STXBP4: variants seen among roughly 807,000 people sequenced by gnomAD.
STXBP4 encodes syntaxin binding protein 4, also known as syntaxin-binding protein 4.
STXBP4 carries 55 observed loss-of-function variants against 76.1 expected under a neutral mutation model. The ratio of observed to expected loss-of-function variants is 0.72; its 90% confidence interval spans 0.58 to 0.91. The LOEUF (loss-of-function observed/expected upper bound fraction) is 0.91. Ranked by LOEUF, STXBP4 falls within the 40% of genes least tolerant of loss-of-function variation. The probability of loss-of-function intolerance (pLI) is 0.00; values close to 1 mark genes in which losing one functional copy is unlikely to be tolerated. For synonymous variants in STXBP4, 201 were observed against 220.2 expected, an observed-to-expected ratio of 0.91 and a Z score of 0.77; for missense variants, 618 against 636.9, an observed-to-expected ratio of 0.97 and a Z score of 0.32.
chr17:55,211,799 G>GTTTTTTTT, the STXBP4 span, among the ~76,000 whole-genome samples: 130 of 48,980 alleles, frequency 2.7e-3, 19 homozygotes, highest in African/African-American at 6.9e-3. Context: ...GTTTTTTGTT[G>GTTTTTTTT]TTTTTTTTTT....
At chr17:55,035,043 T>C (rs2078574472) in intron 10 of STXBP4, among the ~76,000 whole-genome samples, 1 of 152,032 alleles carries the variant, frequency 6.6e-6, no homozygotes. Context: ...ACCACCTGTT[T>C]TTGTTCCACC....
chr17:55,145,866 A>C (rs1456279515), intron 17 of STXBP4, among the ~76,000 whole-genome samples: 1 of 152,160 alleles, frequency 6.6e-6, no homozygotes, highest in African/African-American at 2.4e-5. Context: ...GCATTCTAGG[A>C]AATTTTTTCT....
At chr17:55,095,910 A>C (rs1438017882) in intron 16 of STXBP4, among the ~76,000 whole-genome samples, 1 of 152,194 alleles carries the variant, frequency 6.6e-6, no homozygotes, top group Admixed American at 6.5e-5. Context: ...AATATAGTTA[A>C]GACATGATGT....
At chr17:55,070,365 A>T (rs1333170707) in intron 12 of STXBP4, among the ~76,000 whole-genome samples, 1 of 152,198 alleles carries the variant, frequency 6.6e-6, no homozygotes, top group East Asian at 1.9e-4. Context: ...TGTGAAGTTG[A>T]TCTAGCTGTG....
chr17:55,203,460 G>A, the STXBP4 span, among the ~76,000 whole-genome samples: 1 of 152,156 alleles, frequency 6.6e-6, no homozygotes, highest in African/African-American at 2.4e-5. Context: ...TGTAGAATGG[G>A]TGGATGGTAG....
Position 55,166,013 on chromosome 17 carries a change from C to T in STXBP4, c.*6102C>T, listed in dbSNP as rs2080376153. On this transcript the variant is annotated 3_prime_UTR_variant, in exon 18 of 18. Transcript: ENST00000376352. ...CAGCTCCTGAATGGACTAAGACAGCCCACAGAGTTTAGCAGTGACCCCAAG... is the reference window on the plus strand; with the variant it reads ...CAGCTCCTGAATGGACTAAGACAGCTCACAGAGTTTAGCAGTGACCCCAAG... 6.6e-6 allele frequency: 1 copy of T among 152,128 alleles called. No homozygotes were observed. The highest frequency in any genetic ancestry group is 1.5e-5 in the Non-Finnish European group (1 of 68,036). The allele number at this position is 152,128 out of a possible 1,614,324, so 9.4% of individuals were successfully genotyped here. A position where few individuals can be genotyped will look rare whatever the true frequency, so the allele number is the denominator to read the frequency against.
intron 16 of STXBP4, among the ~76,000 whole-genome samples, chr17:55,110,001 T>C (rs1196819527): frequency 4.6e-5 from 7 of 152,196 alleles, no homozygotes; most frequent in Non-Finnish European, 1.0e-4. Context: ...AAGTTCAAAA[T>C]ATGTTTCATT....
Position 55,047,168 on chromosome 17 carries a change from TTGTGTATATATGTGCTC to T in STXBP4, c.1011+15_1011+31del. The T allele has an allele frequency of 6.5e-7, 1 of 1,528,696 alleles. No individual in the cohort carries two copies. Among genetic ancestry groups the T allele is most frequent in the East Asian group, 2.3e-5 (1 of 44,066 alleles). The allele number at this position is 1,528,696 out of a possible 1,614,324, so 94.7% of individuals were successfully genotyped here. Reference sequence around the variant, plus strand: ...AATGTGAAACAAGTAAGTATATGTATTGTGTATATATGTGCTCGTGTGTGTGTGTGTGTGTGTGTGTG... The same window carrying T: ...AATGTGAAACAAGTAAGTATATGTATGTGTGTGTGTGTGTGTGTGTGTGTG... On this transcript the variant is annotated intron_variant, in intron 12 of 17. Transcript: ENST00000376352.
chr17:54,995,272 G>A (rs2077781708), intron 4 of STXBP4, among the ~76,000 whole-genome samples: 1 of 152,078 alleles, frequency 6.6e-6, no homozygotes, highest in Admixed American at 6.5e-5. Flanking sequence ...CCACACCAAG[G>A]TACTTCCTCC....
chr17:54,972,166 A>C (rs2077410541), intron 1 of STXBP4, among the ~76,000 whole-genome samples: 1 of 152,210 alleles, frequency 6.6e-6, no homozygotes, highest in Non-Finnish European at 1.5e-5. Flanking sequence ...TCTCTGTTAC[A>C]AGGTGAATTA....
chr17:55,101,073 T>G (rs2079558017), intron 16 of STXBP4, among the ~76,000 whole-genome samples: 1 of 152,160 alleles, frequency 6.6e-6, no homozygotes. Context: ...ACAGAAACCA[T>G]GAGATAATAT....
intron 16 of STXBP4, among the ~76,000 whole-genome samples, chr17:55,130,836 T>C (rs1356291750): frequency 2.6e-5 from 4 of 152,202 alleles, no homozygotes; most frequent in Non-Finnish European, 5.9e-5. Context: ...ACCCATGTTG[T>C]CCCAAATGAC....
intron 16 of STXBP4, 23 bp downstream of exon 16, chr17:55,081,206 CT>C: frequency 7.1e-7 from 1 of 1,399,550 alleles, no homozygotes; most frequent in South Asian, 1.7e-5. Flanking sequence ...CATTTTTTCA[CT>C]TTTTAAAAGT....
At chr17:55,205,038 T>C in the STXBP4 span, among the ~76,000 whole-genome samples, 3 of 152,258 alleles carry the variant, frequency 2.0e-5, no homozygotes, top group Non-Finnish European at 2.9e-5. Context: ...CTAAACAAAT[T>C]AGCTTGCCAT....
chr17:55,045,453 C>T (rs1031552519), intron 11 of STXBP4, among the ~76,000 whole-genome samples: 4 of 152,004 alleles, frequency 2.6e-5, no homozygotes, highest in Non-Finnish European at 4.4e-5. Context: ...TTTTCAGAGG[C>T]TCTCAGATCT....
At chr17:55,056,718 A>G (rs1023525237) in intron 12 of STXBP4, among the ~76,000 whole-genome samples, 6 of 152,122 alleles carry the variant, frequency 3.9e-5, no homozygotes, top group African/African-American at 1.2e-4. Context: ...AAACAAAAAA[A>G]CTGGCCAAGC....
At chr17:55,127,688 A>G (rs1567774122) in intron 16 of STXBP4, among the ~76,000 whole-genome samples, 1 of 152,152 alleles carries the variant, frequency 6.6e-6, no homozygotes, top group African/African-American at 2.4e-5. Flanking sequence ...AGGTGTTTTT[A>G]TTGTTTTTCT....
At chr17:55,000,941 G>C in intron 7 of STXBP4, 58 bp downstream of exon 7, 1 of 1,201,318 alleles carries the variant, frequency 8.3e-7, no homozygotes, top group Admixed American at 1.8e-5. Context: ...TCTCAATGAG[G>C]AGTGTGTAAT....
chr17:55,184,197 A>G, the STXBP4 span, among the ~76,000 whole-genome samples: 2 of 152,168 alleles, frequency 1.3e-5, no homozygotes, highest in African/African-American at 2.4e-5. Context: ...AGCCTTATTA[A>G]GTTGCTTAGT....
Sources: gnomAD v4.1 joint callset for allele counts (sites outside exome capture counted in the v4.1 genomes callset) on GRCh38, gnomAD v4.1.1 for gene constraint, MANE v1.5 for transcripts, NCBI Gene and HGNC (gene_info 2026-07-23, HGNC 2026-07-21) for gene names.